DNAH11: variants seen among roughly 807,000 people sequenced by gnomAD.
DNAH11 encodes axonemal beta dynein heavy chain 11.
A neutral mutation model predicts 526.0 loss-of-function variants in DNAH11; 442 were observed. The ratio of observed to expected loss-of-function variants is 0.84; its 90% confidence interval spans 0.78 to 0.91. The LOEUF (loss-of-function observed/expected upper bound fraction) is 0.91, where lower values mean the gene tolerates loss of function less well. Among genes scored for constraint, DNAH11 ranks in the 40% least tolerant of loss-of-function variants. The pLI is 0.00. For missense variants in DNAH11, 6,989 were observed against 5,448.7 expected, an observed-to-expected ratio of 1.28 and a Z score of -8.90; for synonymous variants, 2,461 against 1,935.9, an observed-to-expected ratio of 1.27 and a Z score of -7.12.
At chr7:21,607,952 A>AT (rs1232170955) in intron 20 of DNAH11, among the ~76,000 whole-genome samples, 1 of 150,914 alleles carries the variant, frequency 6.6e-6, no homozygotes, top group Non-Finnish European at 1.5e-5. Flanking sequence ...AAAAAAAAAA[A>AT]AAAAAAAAGG....
At chr7:21,664,775 T>C (rs1345227010) in intron 30 of DNAH11, among the ~76,000 whole-genome samples, 1 of 152,116 alleles carries the variant, frequency 6.6e-6, no homozygotes, top group Non-Finnish European at 1.5e-5. Flanking sequence ...TAGATTAATT[T>C]TGCAATTACT....
intron 42 of DNAH11, among the ~76,000 whole-genome samples, chr7:21,717,244 C>T (rs1294174438): frequency 6.6e-6 from 1 of 151,792 alleles, no homozygotes; most frequent in Non-Finnish European, 1.5e-5. Flanking sequence ...GCATGAAACG[C>T]CATATCAGAG....
chr7:21,762,120 C>T (rs923805012), intron 54 of DNAH11, among the ~76,000 whole-genome samples: 10 of 152,162 alleles, frequency 6.6e-5, no homozygotes, highest in African/African-American at 2.2e-4. Context: ...CACCCCCATG[C>T]TCCAGTCGCC....
At position 21,744,311 on chromosome 7, in the gene DNAH11, C is replaced by T. The variant is rs565171915; in HGVS notation, c.8155-127C>T. The T allele has an allele frequency of 7.6e-6, 8 of 1,059,058 alleles. No individual in the cohort carries two copies. The African/African-American group carries it at 1.1e-4, about 15-fold the overall frequency. 65.6% of individuals were successfully genotyped at this position (1,059,058 alleles called of 1,614,324 possible). A position where few individuals can be genotyped will look rare whatever the true frequency, so the allele number is the denominator to read the frequency against. ...ACCTACTTTTATACACGAACACGCACATTACTATTGATGATATTTCTTTTA... is the reference window on the plus strand; with the variant it reads ...ACCTACTTTTATACACGAACACGCATATTACTATTGATGATATTTCTTTTA... On this transcript the variant is annotated intron_variant, in intron 49 of 81. Transcript: ENST00000409508.
chr7:21,733,601 A>G (rs886068396), intron 45 of DNAH11, among the ~76,000 whole-genome samples: 6 of 152,228 alleles, frequency 3.9e-5, no homozygotes, highest in Admixed American at 2.0e-4. Context: ...CACCTTAGCG[A>G]TGATATCTTG....
chr7:21,874,324 C>T (rs954535289), intron 74 of DNAH11, among the ~76,000 whole-genome samples: 3 of 57,456 alleles, frequency 5.2e-5, no homozygotes, highest in Admixed American at 3.8e-4. Context: ...TGAATACTTA[C>T]ATGGTTTTTT....
chr7:21,868,067 C>T, intron 72 of DNAH11, 60 bp downstream of exon 72: 1 of 1,351,334 alleles, frequency 7.4e-7, no homozygotes. Flanking sequence ...TCACCCCCAC[C>T]CCTGCCCTTC....
chr7:21,698,232 C>T lies in DNAH11; in HGVS notation c.6180+19C>T, dbSNP rs759447830. The T allele has an allele frequency of 8.7e-6, 14 of 1,611,192 alleles. No individual in the cohort carries two copies. Among genetic ancestry groups the T allele is most frequent in the South Asian group, 2.2e-5 (2 of 90,158 alleles). On this transcript the variant is annotated intron_variant, in intron 36 of 81. Coordinates refer to ENST00000409508, the MANE Select transcript of DNAH11 (RefSeq NM_001277115.2). ...CAAGCAGGTGAGGGATCATTTGTTACGTTTTCTTGTTTTTACATACCATTG... is the reference window on the plus strand; with the variant it reads ...CAAGCAGGTGAGGGATCATTTGTTATGTTTTCTTGTTTTTACATACCATTG...
intron 61 of DNAH11, among the ~76,000 whole-genome samples, chr7:21,793,541 G>A (rs1788566144): frequency 6.6e-6 from 1 of 152,016 alleles, no homozygotes; most frequent in South Asian, 2.1e-4. Context: ...ACTTGAAGCT[G>A]GGAGGTGAAG....
chr7:21,891,303 T>C (rs1308458012), intron 76 of DNAH11, among the ~76,000 whole-genome samples: 1 of 152,170 alleles, frequency 6.6e-6, no homozygotes, highest in African/African-American at 2.4e-5. Flanking sequence ...TCAGAAAATC[T>C]AGGTAGAAAA....
intron 44 of DNAH11, 46 bp from the exon 45 acceptor site, chr7:21,725,765 T>A (rs1785071794): frequency 6.4e-7 from 1 of 1,550,904 alleles, no homozygotes; most frequent in Non-Finnish European, 8.7e-7. Flanking sequence ...TTTTACAGTT[T>A]TAATTACTTT....
chr7:21,833,525 TCTA>T (rs1781871251), intron 65 of DNAH11, among the ~76,000 whole-genome samples: 1 of 152,002 alleles, frequency 6.6e-6, no homozygotes, highest in Admixed American at 6.6e-5. Context: ...AAACCTCGTC[TCTA>T]CTAAAAATAG....
At chr7:21,884,073 A>C (rs564385492) in intron 75 of DNAH11, among the ~76,000 whole-genome samples, 1 of 152,296 alleles carries the variant, frequency 6.6e-6, no homozygotes, top group South Asian at 2.1e-4. Flanking sequence ...TAAACAGCTC[A>C]ATGTTAGTGA....
intron 55 of DNAH11, among the ~76,000 whole-genome samples, chr7:21,769,838 A>G (rs116398491): frequency 4.0e-5 from 6 of 151,554 alleles, no homozygotes; most frequent in African/African-American, 7.3e-5. Context: ...CTTTGTTTCA[A>G]CTTTCTGGCA....
chr7:21,673,730 C>G (rs1419828599), intron 30 of DNAH11, among the ~76,000 whole-genome samples: 1 of 152,182 alleles, frequency 6.6e-6, no homozygotes, highest in African/African-American at 2.4e-5. Context: ...CATGCCACAT[C>G]TTTTGTTTCC....
At chr7:21,899,748 C>CACAG (rs1412470672) in intron 80 of DNAH11, among the ~76,000 whole-genome samples, 1 of 152,148 alleles carries the variant, frequency 6.6e-6, no homozygotes, top group Non-Finnish European at 1.5e-5. Context: ...GTGCGAAAAC[C>CACAG]ACAGACAATC....
chr7:21,880,373 G>A (rs1583806392), intron 74 of DNAH11, among the ~76,000 whole-genome samples: 1 of 152,134 alleles, frequency 6.6e-6, no homozygotes, highest in Non-Finnish European at 1.5e-5. Flanking sequence ...ATGGCTTTAT[G>A]TCATCCAGAT....
chr7:21,637,471 T>C (rs1316566231), intron 26 of DNAH11, 140 bp from the exon 27 acceptor site: 3 of 641,578 alleles, frequency 4.7e-6, no homozygotes, highest in Non-Finnish European at 8.4e-6. Context: ...AGTAAACAGA[T>C]GTGGTGTCAG....
At chr7:21,839,961 A>T (rs984474975) in intron 65 of DNAH11, among the ~76,000 whole-genome samples, 1 of 152,222 alleles carries the variant, frequency 6.6e-6, no homozygotes, top group African/African-American at 2.4e-5. Context: ...ATGTAAGAAA[A>T]TTTTAATTTT....
Sources: allele counts gnomAD v4.1 joint callset (sites outside exome capture counted in the v4.1 genomes callset), GRCh38; gene constraint gnomAD v4.1.1; transcripts MANE v1.5; gene names NCBI Gene and HGNC (gene_info 2026-07-23, HGNC 2026-07-21).